Variants in ARHGAP44 observed in about 807,000 individuals in gnomAD.
The protein encoded by ARHGAP44 is rho GTPase-activating protein 44.
In ARHGAP44, 43 loss-of-function variants were observed where a neutral mutation model predicts 106.8. The observed-to-expected ratio is 0.40, with a 90% CI of 0.32 to 0.52. ARHGAP44 has a LOEUF of 0.52. Ranked by LOEUF, ARHGAP44 falls within the 20% of genes least tolerant of loss-of-function variation. ARHGAP44 has a pLI of 0.48. For missense variants in ARHGAP44, 866 were observed against 1,050.5 expected (o/e 0.82, Z 2.43); for synonymous variants, 439 against 410.3 (o/e 1.07, Z -0.85).
At chr17:12,948,750 A>ACACACACACACACACACACACACACAC (rs962093786) in intron 10 of ARHGAP44, among the ~76,000 whole-genome samples, 2 of 150,882 alleles carry the variant, frequency 1.3e-5, no homozygotes, top group Non-Finnish European at 3.0e-5. Flanking sequence ...ACACACACAC[A>ACACACACACACACACACACACACACAC]CCCCCTGTAG....
intron 20 of ARHGAP44, 74 bp from the exon 21 acceptor site, chr17:12,989,958 T>G: frequency 6.4e-7 from 1 of 1,568,366 alleles, no homozygotes; most frequent in South Asian, 1.2e-5. Context: ...AAGGCTGACA[T>G]TATTTGCCTA....
At chr17:12,848,347 G>T (rs2035630827) in intron 1 of ARHGAP44, among the ~76,000 whole-genome samples, 1 of 152,060 alleles carries the variant, frequency 6.6e-6, no homozygotes, top group Non-Finnish European at 1.5e-5. Context: ...CTTTTCGGGT[G>T]TAGATAGATA....
At chr17:12,973,913 CG>C in intron 17 of ARHGAP44, 175 bp from the exon 18 acceptor site, 1 of 709,882 alleles carries the variant, frequency 1.4e-6, no homozygotes, top group South Asian at 1.8e-5. Context: ...TCTTGGCCGC[CG>C]GGAGCAGCCA....
chr17:12,901,276 C>T (rs1316367920), intron 3 of ARHGAP44, among the ~76,000 whole-genome samples: 2 of 151,944 alleles, frequency 1.3e-5, no homozygotes, highest in Non-Finnish European at 1.5e-5. Context: ...CAGACTGTAG[C>T]GAATGGGGAA....
At chr17:12,921,792 G>T (rs1159809088) in intron 6 of ARHGAP44, among the ~76,000 whole-genome samples, 1 of 152,172 alleles carries the variant, frequency 6.6e-6, no homozygotes, top group South Asian at 2.1e-4. Flanking sequence ...AACATTCGTG[G>T]GTGGCTGTTT....
At chr17:12,869,775 G>A (rs2036351591) in intron 1 of ARHGAP44, among the ~76,000 whole-genome samples, 1 of 147,030 alleles carries the variant, frequency 6.8e-6, no homozygotes, top group South Asian at 2.1e-4. Flanking sequence ...TTTTTTCTCT[G>A]CATATACATA....
chr17:12,958,636 T>TA lies in ARHGAP44; in HGVS notation c.1343-81_1343-80insA. On this transcript the variant is annotated intron_variant, in intron 15 of 20. Coordinates refer to ENST00000379672, the MANE Select transcript of ARHGAP44 (RefSeq NM_014859.6). This position sits in a 1 kb window ranked among gnomAD's most constrained non-coding sequence, Gnocchi z 4.1. ...TAGGGATGACATACGAGGGAGTGGG[T>TA]GTCTGGACTCATTCCTCCCCTGCCC... 7.4e-7 allele frequency: 1 copy of TA among 1,342,366 alleles called. No homozygotes were observed. The highest frequency in any genetic ancestry group is 2.4e-5 in the East Asian group (1 of 42,288). 83.2% of individuals were successfully genotyped at this position (1,342,366 alleles called of 1,614,324 possible).
chr17:12,973,973 GT>G (rs2039598235), intron 17 of ARHGAP44, 115 bp from the exon 18 acceptor site: 19 of 1,114,594 alleles, frequency 1.7e-5, no homozygotes, highest in Non-Finnish European at 2.2e-5. Context: ...GGCCCCCGGG[GT>G]GCTAAAGCTG....
At chr17:12,973,544 GGT>G in intron 17 of ARHGAP44, 1 of 577,980 alleles carries the variant, frequency 1.7e-6, no homozygotes, top group Admixed American at 3.2e-5. Context: ...GGCCTGCAGA[GGT>G]GTGCCTTGGC....
At chr17:12,984,382 C>CCGGG in intron 19 of ARHGAP44, 149 bp from the exon 20 acceptor site, 1 of 734,938 alleles carries the variant, frequency 1.4e-6, no homozygotes, top group Non-Finnish European at 2.0e-6. Context: ...TGGCAAGAGG[C>CCGGG]CGGGGGGCAG....
At chr17:12,947,200 G>A (rs746229920) in intron 10 of ARHGAP44, among the ~76,000 whole-genome samples, 9 of 151,976 alleles carry the variant, frequency 5.9e-5, no homozygotes, top group Non-Finnish European at 1.0e-4. Context: ...GTGTTGCTTC[G>A]CCCCTGTCAC....
At chr17:12,950,925 T>C (rs2038977846) in intron 12 of ARHGAP44, among the ~76,000 whole-genome samples, 1 of 152,198 alleles carries the variant, frequency 6.6e-6, no homozygotes, top group Non-Finnish European at 1.5e-5. Flanking sequence ...ATGTGTCTGA[T>C]GCTGCTCCTT....
rs1381413403 is a variant in ARHGAP44, at chr17:12,974,169, C to A, written c.1622C>A (p.Pro541His). The part of the protein sequence containing the change: ...SAGRKVSCAP[P>H]SMQPPAPPAE... ...GGTCGGAAAGTGTCCTGCGCCCCGC[C>A]CTCCATGCAGCCTCCCGCCCCGCCC... The change falls in exon 18 of 21, where the codon CCC becomes CAC. Residue 541 changes from proline to histidine, a missense_variant. This residue lies in a region of ARHGAP44 where 418 missense variants were observed against 403.6 expected (regional missense o/e 1.04). Transcript: ENST00000379672. The A allele has an allele frequency of 6.4e-7, 1 of 1,552,722 alleles. No individual in the cohort carries two copies. The highest frequency in any genetic ancestry group is 1.9e-5 in the Admixed American group (1 of 51,286).
rs2039173909 is a variant in ARHGAP44, at chr17:12,958,148, G to C, written c.1343-569G>C. Among the ~76,000 whole-genome samples, 1 of 152,208 alleles carries C rather than the reference G, an allele frequency of 6.6e-6. No homozygotes were observed. The highest frequency in any genetic ancestry group is 6.5e-5 in the Admixed American group (1 of 15,284). On this transcript the variant is annotated intron_variant, in intron 15 of 20. Coordinates refer to ENST00000379672, the MANE Select transcript of ARHGAP44 (RefSeq NM_014859.6). The surrounding 1 kb of genome is among the most constrained non-coding windows in gnomAD (Gnocchi z 4.1). The stretch of plus-strand genomic sequence containing the variant: ...GAGCTAATTTATTCTCATTGACTGG[G>C]AAAGGATGGGATGAGTACTTCTGTA...
At chr17:12,805,814 G>C (rs1481647721) in intron 1 of ARHGAP44, among the ~76,000 whole-genome samples, 1 of 152,332 alleles carries the variant, frequency 6.6e-6, no homozygotes, top group Middle Eastern at 3.4e-3. Flanking sequence ...GCAGGACTAG[G>C]CAGAGGGAGT....
At chr17:12,910,446 CT>C (rs3076662) in intron 4 of ARHGAP44, among the ~76,000 whole-genome samples, 2 of 93,518 alleles carry the variant, frequency 2.1e-5, no homozygotes, top group South Asian at 7.9e-4. Flanking sequence ...CTTATGTAGC[CT>C]TTTTTTTTTT....
At chr17:12,884,191 T>C (rs1567667189) in intron 1 of ARHGAP44, among the ~76,000 whole-genome samples, 1 of 152,210 alleles carries the variant, frequency 6.6e-6, no homozygotes, top group African/African-American at 2.4e-5. Flanking sequence ...ATTTTTTGTA[T>C]CTGAGCTGAG....
chr17:12,885,536 T>C (rs2036858019), intron 1 of ARHGAP44, among the ~76,000 whole-genome samples: 4 of 151,832 alleles, frequency 2.6e-5, no homozygotes, highest in Admixed American at 2.6e-4. Flanking sequence ...TGTGTGTGAG[T>C]GTGTGTTTGT....
At chr17:12,885,324 GGTGTGTGT>G (rs146415425) in intron 1 of ARHGAP44, among the ~76,000 whole-genome samples, 2 of 148,808 alleles carry the variant, frequency 1.3e-5, no homozygotes, top group African/African-American at 4.9e-5. Flanking sequence ...TCACAGAGTA[GGTGTGTGT>G]GTGTGTGTGT....
Sources: allele counts gnomAD v4.1 joint callset (sites outside exome capture counted in the v4.1 genomes callset), GRCh38; gene constraint gnomAD v4.1.1; regional missense constraint gnomAD v4.1.1; non-coding constraint Gnocchi (gnomAD v3.1); transcripts MANE v1.5; gene names NCBI Gene and HGNC (gene_info 2026-07-23, HGNC 2026-07-21).